Variants in SLC4A7 observed in about 807,000 individuals in gnomAD.
SLC4A7 encodes solute carrier family 4 member 7.
SLC4A7 carries 51 observed loss-of-function variants against 137.6 expected under a neutral mutation model. That is an observed-to-expected ratio of 0.37 (90% CI 0.30 to 0.47). SLC4A7 has a LOEUF of 0.47. SLC4A7 is among the 20% of genes least tolerant of loss of function. SLC4A7 has a pLI of 1.00. For synonymous variants in SLC4A7, 542 were observed against 518.6 expected (o/e 1.05, Z -0.61); for missense variants, 1,247 against 1,525.4 (o/e 0.82, Z 3.04).
chr3:27,416,619 A>G (rs188741051), intron 11 of SLC4A7, among the ~76,000 whole-genome samples: 1 of 152,328 alleles, frequency 6.6e-6, no homozygotes, highest in East Asian at 1.9e-4. Context: ...ATGTTTATTG[A>G]AAAACTCCAC....
In SLC4A7 at chr3:27,391,244, TA is replaced by T. The variant is rs531034957; in HGVS notation, c.3186+495del. On this transcript the variant is annotated intron_variant, in intron 21 of 25. Transcript: ENST00000454389. Reference sequence around the variant, plus strand: ...CACTGGCTTAGCTAATAATCTTCAATAAGTCCTTCTATTTCTGTTTCCTGAT... The same window carrying T: ...CACTGGCTTAGCTAATAATCTTCAATAGTCCTTCTATTTCTGTTTCCTGAT... Among the ~76,000 whole-genome samples, 4 of 152,342 alleles carry T rather than the reference TA, an allele frequency of 2.6e-5. 1 individual carries two copies. In the South Asian group the frequency reaches 8.3e-4, roughly 32 times the overall value.
chr3:27,374,075 C>T lies in SLC4A7; in HGVS notation c.*2689G>A, dbSNP rs879103429. The T allele has an allele frequency of 6.6e-6, 1 of 152,462 alleles. No homozygotes were observed. Among genetic ancestry groups the T allele is most frequent in the Non-Finnish European group, 1.5e-5 (1 of 67,948 alleles). The allele number at this position is 152,462 out of a possible 1,614,324, so 9.4% of individuals were successfully genotyped here. On this transcript the variant is annotated 3_prime_UTR_variant, in exon 26 of 26. Coordinates refer to ENST00000454389, the MANE Select transcript of SLC4A7 (RefSeq NM_001321103.2). ...CATAAGGAATTTACATCATTGTTTT[C>T]TCAAAAGCTGCTATTTTAGATTGAA...
chr3:27,450,140 C>A (rs1178862648), intron 2 of SLC4A7, among the ~76,000 whole-genome samples: 2 of 152,066 alleles, frequency 1.3e-5, no homozygotes, highest in East Asian at 3.9e-4. Flanking sequence ...ATATATTAAC[C>A]TCATAAATAA....
intron 23 of SLC4A7, among the ~76,000 whole-genome samples, chr3:27,384,465 T>C (rs1202541483): frequency 6.6e-6 from 1 of 152,124 alleles, no homozygotes. Flanking sequence ...CCTGATAACT[T>C]TGTGGGGCTT....
At position 27,372,801 on chromosome 3, in the gene SLC4A7, C is replaced by G. The variant is rs933487981; in HGVS notation, c.*3963G>C. On this transcript the variant is annotated 3_prime_UTR_variant, in exon 26 of 26. Coordinates refer to ENST00000454389, the MANE Select transcript of SLC4A7 (RefSeq NM_001321103.2). ...TAGTTTTCATCTAACAATTATGAAACAAATTTGAAAGGCAGGATGATTCAC... is the reference window on the plus strand; with the variant it reads ...TAGTTTTCATCTAACAATTATGAAAGAAATTTGAAAGGCAGGATGATTCAC... 3.3e-5 allele frequency: 5 copies of G among 152,506 alleles called. No individual in the cohort carries two copies. Among genetic ancestry groups the G allele is most frequent in the Non-Finnish European group, 7.4e-5 (5 of 68,016 alleles). 9.4% of individuals were successfully genotyped at this position (152,506 alleles called of 1,614,324 possible). A position where few individuals can be genotyped will look rare whatever the true frequency, so the allele number is the denominator to read the frequency against.
chr3:27,398,344 T>A lies in SLC4A7; in HGVS notation c.2437A>T (p.Lys813Ter). The change falls in exon 17 of 26, where the codon AAA becomes TAA. Residue 813 changes from lysine to a stop codon, truncating the protein, a stop_gained. Transcript: ENST00000454389. LOFTEE classifies it high-confidence loss of function. ...GACCCCAAGAATACACCACGAAGTT[T>A]TTTACATTCCTGGAAAAAAGGAGAA... ...WRNLTVSECK[K>*]LRGVFLGSAC... is the part of the protein sequence containing the mutation. The A allele has an allele frequency of 6.3e-7, 1 of 1,591,778 alleles. No homozygotes were observed. The highest frequency in any genetic ancestry group is 8.5e-7 in the Non-Finnish European group (1 of 1,171,976).
chr3:27,403,201 A>G lies in SLC4A7; in HGVS notation c.2259T>C (p.Phe753=). 1.9e-6 allele frequency: 3 copies of G among 1,613,912 alleles called. No individual in the cohort carries two copies. Among genetic ancestry groups the G allele is most frequent in the Non-Finnish European group, 2.5e-6 (3 of 1,179,914 alleles). Reference sequence around the variant, plus strand: ...TAAATGCATATGTTTCTCCTAAATCAAAGAGCTTCTCCAAAGCCTCGTAGA... The same window carrying G: ...TAAATGCATATGTTTCTCCTAAATCGAAGAGCTTCTCCAAAGCCTCGTAGA... The part of the protein sequence containing the change: ...IFIYEALEKL[F]DLGETYAFNM... The change falls in exon 15 of 26, where the codon TTT becomes TTC. Residue 753 remains phenylalanine (F), a synonymous_variant. Coordinates refer to ENST00000454389, the MANE Select transcript of SLC4A7 (RefSeq NM_001321103.2).
At chr3:27,482,060 G>A (rs1378862526) in intron 1 of SLC4A7, among the ~76,000 whole-genome samples, 1 of 152,186 alleles carries the variant, frequency 6.6e-6, no homozygotes, top group Non-Finnish European at 1.5e-5. Context: ...TTGAACCCAG[G>A]AGGCAGAGGT....
chr3:27,426,518 T>C (rs1226918506), intron 7 of SLC4A7, among the ~76,000 whole-genome samples: 4 of 152,174 alleles, frequency 2.6e-5, no homozygotes, highest in Non-Finnish European at 5.9e-5. Flanking sequence ...TGTGTATATA[T>C]ATCATCAAAA....
At chr3:27,450,107 C>CT (rs1293755981) in intron 2 of SLC4A7, among the ~76,000 whole-genome samples, 1 of 152,140 alleles carries the variant, frequency 6.6e-6, no homozygotes, top group African/African-American at 2.4e-5. Context: ...ATGTGATACT[C>CT]TGACATCTTA....
chr3:27,443,492 G>T (rs1423372329), intron 3 of SLC4A7, among the ~76,000 whole-genome samples: 2 of 149,310 alleles, frequency 1.3e-5, no homozygotes, highest in Non-Finnish European at 3.0e-5. Context: ...GTCTGCTATT[G>T]TTTTTTTTTC....
chr3:27,449,130 G>A (rs2057889156), intron 2 of SLC4A7, among the ~76,000 whole-genome samples: 1 of 151,678 alleles, frequency 6.6e-6, no homozygotes, highest in South Asian at 2.1e-4. Context: ...TTGAACTCCT[G>A]ACCTCCTGAT....
At chr3:27,389,383 T>C (rs1270685852) in intron 22 of SLC4A7, among the ~76,000 whole-genome samples, 2 of 152,146 alleles carry the variant, frequency 1.3e-5, no homozygotes, top group African/African-American at 4.8e-5. Context: ...GTAATTTTTA[T>C]AGCTTTTTAA....
At chr3:27,483,348 G>A (rs1444511323) in intron 1 of SLC4A7, among the ~76,000 whole-genome samples, 1 of 152,218 alleles carries the variant, frequency 6.6e-6, no homozygotes, top group African/African-American at 2.4e-5. Flanking sequence ...TGCTAGCTGA[G>A]TTAGAGAAGG....
intron 1 of SLC4A7, among the ~76,000 whole-genome samples, chr3:27,473,173 C>A (rs1460493065): frequency 6.6e-6 from 1 of 151,838 alleles, no homozygotes; most frequent in Non-Finnish European, 1.5e-5. Flanking sequence ...TGTGTACGCA[C>A]CATTAGTCTC....
At chr3:27,421,844 G>A in intron 8 of SLC4A7, 65 bp from the exon 9 acceptor site, 1 of 1,307,106 alleles carries the variant, frequency 7.7e-7, no homozygotes, top group Non-Finnish European at 1.1e-6. Flanking sequence ...AGAGAAACAG[G>A]AAAGAAAAAC....
At chr3:27,453,418 A>C (rs907201794) in intron 1 of SLC4A7, among the ~76,000 whole-genome samples, 4 of 152,200 alleles carry the variant, frequency 2.6e-5, no homozygotes, top group Non-Finnish European at 5.9e-5. Flanking sequence ...GTTCGAGACC[A>C]GCCTGACCAA....
chr3:27,481,732 CAA>C (rs1319995140), intron 1 of SLC4A7, among the ~76,000 whole-genome samples: 4 of 152,180 alleles, frequency 2.6e-5, no homozygotes, highest in Non-Finnish European at 5.9e-5. Flanking sequence ...CTTATCTTCT[CAA>C]AGACTTAGGA....
chr3:27,458,016 G>A (rs556123484), intron 1 of SLC4A7, among the ~76,000 whole-genome samples: 2 of 152,124 alleles, frequency 1.3e-5, no homozygotes, highest in Non-Finnish European at 1.5e-5. Context: ...TAAAAATGGT[G>A]TTCCATGAAA....
Sources: allele counts gnomAD v4.1 joint callset (sites outside exome capture counted in the v4.1 genomes callset), GRCh38; gene constraint gnomAD v4.1.1; transcripts MANE v1.5; gene names NCBI Gene and HGNC (gene_info 2026-07-23, HGNC 2026-07-21).